RBFOX1: variants seen among roughly 807,000 people sequenced by gnomAD.
RBFOX1 encodes the protein RNA binding protein fox-1 homolog 1.
A neutral mutation model predicts 57.7 loss-of-function variants in RBFOX1; 8 were observed. The observed-to-expected ratio is 0.14, with a 90% confidence interval of 0.08 to 0.25. The LOEUF is 0.25. RBFOX1 is among the 10% of genes least tolerant of loss of function. RBFOX1 has a pLI of 1.00. For missense variants in RBFOX1, 611 were observed against 548.5 expected, an observed-to-expected ratio of 1.11 and a Z score of -1.14; for synonymous variants, 326 against 222.4, an observed-to-expected ratio of 1.47 and a Z score of -4.15.
At chr16:7,270,516 G>A (rs2095292038) in intron 4 of RBFOX1, among the ~76,000 whole-genome samples, 1 of 152,164 alleles carries the variant, frequency 6.6e-6, no homozygotes, top group South Asian at 2.1e-4. Context: ...AGGTACCATT[G>A]GGCAGTTTCA....
chr16:5,621,637 C>G (rs1347133249), intron 3 of RBFOX1, among the ~76,000 whole-genome samples: 1 of 152,088 alleles, frequency 6.6e-6, no homozygotes, highest in Non-Finnish European at 1.5e-5. Flanking sequence ...TTCTTAAACC[C>G]CTATCAACTC....
intron 11 of RBFOX1, among the ~76,000 whole-genome samples, chr16:7,648,537 A>C (rs1460401743): frequency 6.6e-6 from 1 of 152,182 alleles, no homozygotes; most frequent in African/African-American, 2.4e-5. Context: ...AAATTCTTCT[A>C]ATAAAGATGG....
intron 3 of RBFOX1, among the ~76,000 whole-genome samples, chr16:6,763,765 A>C (rs868264154): frequency 6.6e-5 from 10 of 152,342 alleles, no homozygotes; most frequent in African/African-American, 2.4e-4. Context: ...GATTCCACAC[A>C]AACATTAAAT....
At chr16:6,091,853 C>G (rs1185970468) in intron 1 of RBFOX1, among the ~76,000 whole-genome samples, 1 of 152,070 alleles carries the variant, frequency 6.6e-6, no homozygotes, top group Non-Finnish European at 1.5e-5. Flanking sequence ...CAAAACAAAA[C>G]AAATTGTTGA....
Position 7,537,509 on chromosome 16 carries a change from CT to C in RBFOX1, c.270+19122del, listed in dbSNP as rs1192048892. ...TAATATGTCTGACTCTAGACCTACA[CT>C]TATAACCACAACTTCACACTCTTTT... On this transcript the variant is annotated intron_variant, in intron 5 of 15. Coordinates refer to ENST00000550418, the MANE Select transcript of RBFOX1 (RefSeq NM_018723.4). 1.4e-4 allele frequency among the ~76,000 whole-genome samples: 22 copies of C among 152,318 alleles called. 1 individual carries two copies. In the South Asian group the frequency reaches 4.1e-3, roughly 29 times the overall value.
chr16:6,233,410 C>T (rs955837570), intron 1 of RBFOX1, among the ~76,000 whole-genome samples: 2 of 152,046 alleles, frequency 1.3e-5, no homozygotes, highest in Non-Finnish European at 2.9e-5. Context: ...ACCCCTGCAC[C>T]CCACTCGTCC....
chr16:6,162,137 A>G (rs912707394), intron 1 of RBFOX1, among the ~76,000 whole-genome samples: 1 of 152,178 alleles, frequency 6.6e-6, no homozygotes, highest in Non-Finnish European at 1.5e-5. Flanking sequence ...TTGGTTTTGG[A>G]GACTGGGCGT....
chr16:6,318,023 G>C (rs2081317215), intron 2 of RBFOX1, among the ~76,000 whole-genome samples: 1 of 152,150 alleles, frequency 6.6e-6, no homozygotes, highest in Non-Finnish European at 1.5e-5. Context: ...TGGGACTCCA[G>C]GCCTGCAAGA....
Position 7,653,883 on chromosome 16 carries a change from G to A in RBFOX1, c.826G>A (p.Gly276Ser), listed in dbSNP as rs1208527095. 3.7e-6 allele frequency: 6 copies of A among 1,601,960 alleles called. No homozygotes were observed. Among genetic ancestry groups the A allele is most frequent in the African/African-American group, 1.3e-5 (1 of 74,844 alleles). Reference sequence around the variant, plus strand: ...CCGAGGGGCGCACCTGCGAGGCCGCGGTCGCACCGTGTACAACACCTTCAG... The same window carrying A: ...CCGAGGGGCGCACCTGCGAGGCCGCAGTCGCACCGTGTACAACACCTTCAG... The part of the protein sequence containing the change: ...AYRGAHLRGR[G>S]RTVYNTFRAA... Residue 276 changes from glycine (G) to serine (S), a missense_variant, in exon 12 of 16, where the codon GGT becomes AGT. Gly to Ser is a moderately conservative substitution (Grantham distance 56, BLOSUM62 0). Transcript: ENST00000550418.
intron 2 of RBFOX1, among the ~76,000 whole-genome samples, chr16:6,605,180 A>G (rs1210447977): frequency 2.0e-5 from 3 of 152,194 alleles, no homozygotes; most frequent in Non-Finnish European, 4.4e-5. Context: ...TCAAGGCTAC[A>G]GTGAGATGTG....
intron 2 of RBFOX1, among the ~76,000 whole-genome samples, chr16:5,571,135 C>G (rs192504255): frequency 6.0e-5 from 9 of 150,974 alleles, no homozygotes; most frequent in Non-Finnish European, 1.2e-4. Context: ...CTACCCATGT[C>G]TACAGTCAGA....
At chr16:7,560,828 G>T (rs1474395199) in intron 5 of RBFOX1, among the ~76,000 whole-genome samples, 1 of 152,130 alleles carries the variant, frequency 6.6e-6, no homozygotes, top group Non-Finnish European at 1.5e-5. Context: ...TTTTTTAGGG[G>T]ACCTAAACAT....
chr16:6,643,349 C>T (rs1349823791), intron 2 of RBFOX1, among the ~76,000 whole-genome samples: 2 of 152,170 alleles, frequency 1.3e-5, no homozygotes, highest in African/African-American at 4.8e-5. Flanking sequence ...AAATCTATCA[C>T]TGCAAACATT....
chr16:6,787,217 G>T (rs2082115740), intron 3 of RBFOX1, among the ~76,000 whole-genome samples: 1 of 152,130 alleles, frequency 6.6e-6, no homozygotes, highest in South Asian at 2.1e-4. Context: ...AAATAAGCTG[G>T]ATAAAGCAGG....
intron 3 of RBFOX1, among the ~76,000 whole-genome samples, chr16:5,786,006 C>A (rs2054488757): frequency 6.6e-6 from 1 of 152,188 alleles, no homozygotes; most frequent in African/African-American, 2.4e-5. Flanking sequence ...CTCCATTGGA[C>A]CACCAGAGCT....
At chr16:7,115,926 A>G (rs945368893) in intron 4 of RBFOX1, among the ~76,000 whole-genome samples, 3 of 152,190 alleles carry the variant, frequency 2.0e-5, no homozygotes, top group Non-Finnish European at 2.9e-5. Flanking sequence ...AGGCAATGAC[A>G]CTTATTGGGG....
chr16:5,810,101 C>T (rs961070885), intron 3 of RBFOX1, among the ~76,000 whole-genome samples: 1 of 150,908 alleles, frequency 6.6e-6, no homozygotes, highest in Non-Finnish European at 1.5e-5. Context: ...CATATATTCT[C>T]ACTCACAGGT....
intron 3 of RBFOX1, among the ~76,000 whole-genome samples, chr16:5,704,260 C>T (rs1226626017): frequency 6.6e-6 from 1 of 152,100 alleles, no homozygotes; most frequent in African/African-American, 2.4e-5. Flanking sequence ...AAAAGTTATG[C>T]AAAGAGAAGC....
chr16:7,227,620 A>C (rs1437272704), intron 4 of RBFOX1, among the ~76,000 whole-genome samples: 1 of 152,166 alleles, frequency 6.6e-6, no homozygotes, highest in South Asian at 2.1e-4. Context: ...CAAGCATTCC[A>C]AGCCCAGTCA....
Sources: allele counts gnomAD v4.1 joint callset (sites outside exome capture counted in the v4.1 genomes callset), GRCh38; gene constraint gnomAD v4.1.1; transcripts MANE v1.5; gene names NCBI Gene and HGNC (gene_info 2026-07-23, HGNC 2026-07-21).